Variants in HS6ST2 observed in about 807,000 individuals in gnomAD.
The protein encoded by HS6ST2 is heparan-sulfate 6-O-sulfotransferase 2.
A neutral mutation model predicts 33.0 loss-of-function variants in HS6ST2; 17 were observed. The observed-to-expected ratio is 0.52, with a 90% confidence interval of 0.35 to 0.77. The LOEUF is 0.77. HS6ST2 is among the 30% of genes least tolerant of loss of function. The pLI, the probability that HS6ST2 is intolerant of heterozygous loss-of-function variation, is 0.01. For missense variants in HS6ST2, 519 were observed against 551.7 expected (o/e 0.94, Z 0.59); for synonymous variants, 248 against 237.1 (o/e 1.05, Z -0.42).
At chrX:132,937,119 C>CA (rs2066831774) in intron 2 of HS6ST2, among the ~76,000 whole-genome samples, 1 of 109,932 alleles carries the variant, frequency 9.1e-6, no homozygotes, top group Non-Finnish European at 1.9e-5. Context: ...ATAGCAGCTA[C>CA]AAAAAAATAA....
intron 2 of HS6ST2, among the ~76,000 whole-genome samples, chrX:132,756,388 G>A (rs2064755759): frequency 9.0e-6 from 1 of 111,414 alleles, no homozygotes; most frequent in Non-Finnish European, 1.9e-5. Flanking sequence ...TCAACAAGAT[G>A]AGGGGAAAGC....
At chrX:132,958,707 C>A, upstream of HS6ST2, 3 of 799,271 alleles carry the variant, frequency 3.8e-6, no homozygotes, top group Non-Finnish European at 5.2e-6. Context: ...AGCAGAGAAC[C>A]TGGGTTTTCT....
chrX:132,927,859 A>G (rs1182340203), intron 2 of HS6ST2, among the ~76,000 whole-genome samples: 3 of 70,570 alleles, frequency 4.3e-5, no homozygotes, highest in African/African-American at 1.4e-4. Flanking sequence ...CCTGTCTCAG[A>G]AAAAAAAAAA....
At position 132,742,201 on chromosome X, in the gene HS6ST2, CA is replaced by C. The variant is rs1319194242; in HGVS notation, c.948-33708del. The stretch of plus-strand genomic sequence containing the variant: ...AATCCAAAGACGGAAGCTGCTATTT[CA>C]AACTGGGGATCGTTTGCCTACAATG... On this transcript the variant is annotated intron_variant, in intron 2 of 4. Coordinates refer to ENST00000370833, the MANE Select transcript of HS6ST2 (RefSeq NM_001394073.1). Among the ~76,000 whole-genome samples the C allele has an allele frequency of 2.7e-5, 3 of 112,249 alleles. No homozygotes were observed. In the East Asian group the frequency reaches 8.4e-4, roughly 31 times the overall value.
Position 132,709,966 on chromosome X carries a change from C to A in HS6ST2, c.948-1472G>T, listed in dbSNP as rs564253922. ...TTATTTCACTGTACTAACAGAAATT[C>A]TCAAATGATGTTAAGTGTATAAATA... On this transcript the variant is annotated intron_variant, in intron 2 of 4. Transcript: ENST00000370833. Among the ~76,000 whole-genome samples the A allele has an allele frequency of 3.6e-5, 4 of 112,063 alleles. No individual in the cohort carries two copies. In the Middle Eastern group the frequency reaches 0.018, roughly 516 times the overall value.
At chrX:132,958,700 A>G (rs2067120730), upstream of HS6ST2, 4 of 833,005 alleles carry the variant, frequency 4.8e-6, no homozygotes, top group Non-Finnish European at 4.9e-6. Flanking sequence ...CTTCACAAGC[A>G]GAGAACCTGG....
At chrX:132,714,960 A>G (rs986649347) in intron 2 of HS6ST2, among the ~76,000 whole-genome samples, 3 of 111,998 alleles carry the variant, frequency 2.7e-5, no homozygotes, top group Admixed American at 9.5e-5. Context: ...TCACTCTCTG[A>G]GGTTATATTT....
chrX:132,801,641 T>A (rs951429550), intron 2 of HS6ST2, among the ~76,000 whole-genome samples: 8 of 111,542 alleles, frequency 7.2e-5, no homozygotes, highest in Non-Finnish European at 1.5e-4. Flanking sequence ...TAGAATGGCC[T>A]TCTCTTGGGT....
chrX:132,745,166 A>G (rs2064625197), intron 2 of HS6ST2, among the ~76,000 whole-genome samples: 1 of 110,987 alleles, frequency 9.0e-6, no homozygotes, highest in Non-Finnish European at 1.9e-5. Context: ...GCTCACTGTA[A>G]CCTCTGCCTC....
chrX:132,943,417 C>G (rs2066908079), intron 2 of HS6ST2, among the ~76,000 whole-genome samples: 1 of 111,299 alleles, frequency 9.0e-6, no homozygotes. Flanking sequence ...TTTAAAACAT[C>G]TACCTCAGAC....
chrX:132,944,154 A>T (rs1192721420), intron 2 of HS6ST2, among the ~76,000 whole-genome samples: 1 of 112,161 alleles, frequency 8.9e-6, no homozygotes, highest in Non-Finnish European at 1.9e-5. Context: ...AAGCAACTTC[A>T]GCAAAGTCTC....
intron 3 of HS6ST2, among the ~76,000 whole-genome samples, chrX:132,689,798 CCTGCAGG>C (rs1338098780): frequency 2.7e-5 from 3 of 112,184 alleles, no homozygotes; most frequent in African/African-American, 9.7e-5. Flanking sequence ...CAAACCGCAG[CCTGCAGG>C]CTGCATGCAG....
At chrX:132,667,148 G>A (rs1295260021) in intron 4 of HS6ST2, among the ~76,000 whole-genome samples, 1 of 111,607 alleles carries the variant, frequency 9.0e-6, no homozygotes, top group African/African-American at 3.3e-5. Flanking sequence ...AGGAGAAAAT[G>A]TACACTAATG....
At position 132,797,048 on chromosome X, in the gene HS6ST2, T is replaced by G. The variant is rs531148353; in HGVS notation, c.948-88554A>C. Among the ~76,000 whole-genome samples the G allele has an allele frequency of 1.3e-4, 14 of 111,687 alleles. No individual in the cohort carries two copies. In the South Asian group the frequency reaches 4.9e-3, roughly 39 times the overall value. ...AAACTTCAGTAGTCCCCGATTAGCC[T>G]GCCTGCTTGTCCTTAGCAAGAGGAT... is the stretch of plus-strand genomic sequence containing the variant. On this transcript the variant is annotated intron_variant, in intron 2 of 4. Coordinates refer to ENST00000370833, the MANE Select transcript of HS6ST2 (RefSeq NM_001394073.1).
intron 2 of HS6ST2, among the ~76,000 whole-genome samples, chrX:132,894,333 G>T (rs1335581337): frequency 1.8e-5 from 2 of 108,147 alleles, no homozygotes; most frequent in Non-Finnish European, 3.8e-5. Context: ...TAGAGATGGG[G>T]TTTCACCATG....
At chrX:132,779,459 A>G (rs1371125872) in intron 2 of HS6ST2, among the ~76,000 whole-genome samples, 2 of 111,748 alleles carry the variant, frequency 1.8e-5, no homozygotes, top group African/African-American at 6.5e-5. Context: ...TCAGATGCTG[A>G]TATCTTACAG....
rs1338322078 is a variant in HS6ST2, at chrX:132,769,342, A to G, written c.948-60848T>C. 5.3e-5 allele frequency among the ~76,000 whole-genome samples: 6 copies of G among 112,300 alleles called. 1 individual carries two copies. The highest frequency in any genetic ancestry group is 9.5e-5 in the Admixed American group (1 of 10,539). On this transcript the variant is annotated intron_variant, in intron 2 of 4. Coordinates refer to ENST00000370833, the MANE Select transcript of HS6ST2 (RefSeq NM_001394073.1). Reference sequence around the variant, plus strand: ...TTTCAGAAGGGCCTGCAGCATTAGTACTTTAGAAGAACAGTTAATTTGTCC... The same window carrying G: ...TTTCAGAAGGGCCTGCAGCATTAGTGCTTTAGAAGAACAGTTAATTTGTCC...
chrX:132,809,319 G>A lies in HS6ST2; in HGVS notation c.948-100825C>T, dbSNP rs187970551. ...ATTCATTTTTTAAACAAGCCCTGTA[G>A]GTGATTCTGATGCAGATGGTTCAGG... On this transcript the variant is annotated intron_variant, in intron 2 of 4. Coordinates refer to ENST00000370833, the MANE Select transcript of HS6ST2 (RefSeq NM_001394073.1). Among the ~76,000 whole-genome samples, 3 of 112,241 alleles carry A rather than the reference G, an allele frequency of 2.7e-5. No individual in the cohort carries two copies. The Admixed American group carries it at 2.8e-4, about 11-fold the overall frequency.
rs1301777591 is a variant in HS6ST2, at chrX:132,898,180, A to C, written c.947+58628T>G. ...CAGTTTCATCCCGAAACCATCCCCC[A>C]CCTCCCCCTGTCCGTGGAAAAATTG... On this transcript the variant is annotated intron_variant, in intron 2 of 4. Transcript: ENST00000370833. Among the ~76,000 whole-genome samples, 5 of 108,524 alleles carry C rather than the reference A, an allele frequency of 4.6e-5. No individual in the cohort carries two copies. The Admixed American group carries it at 5.0e-4, about 11-fold the overall frequency. 94.2% of individuals were successfully genotyped at this position (108,524 alleles called of 115,157 possible).
Sources: allele counts gnomAD v4.1 joint callset (sites outside exome capture counted in the v4.1 genomes callset), GRCh38; gene constraint gnomAD v4.1.1; transcripts MANE v1.5; gene names NCBI Gene and HGNC (gene_info 2026-07-23, HGNC 2026-07-21).